The following BBOX1 variants were observed in gnomAD, a reference collection of about 807,000 sequenced individuals.
BBOX1 encodes gamma-butyrobetaine dioxygenase.
BBOX1 carries 35 observed loss-of-function variants against 41.6 expected under a neutral mutation model. The observed-to-expected ratio is 0.84, with a 90% confidence interval of 0.64 to 1.11. The LOEUF (loss-of-function observed/expected upper bound fraction) is 1.11. Ranked by LOEUF, BBOX1 falls within the 50% of genes most tolerant of loss-of-function variation. The pLI, the probability that BBOX1 is intolerant of heterozygous loss-of-function variation, is 0.00. For synonymous variants in BBOX1, 163 were observed against 154.7 expected, an observed-to-expected ratio of 1.05 and a Z score of -0.40; for missense variants, 458 against 460.6, an observed-to-expected ratio of 0.99 and a Z score of 0.05.
intron 5 of BBOX1, among the ~76,000 whole-genome samples, chr11:27,108,947 G>T (rs146172663): frequency 6.6e-6 from 1 of 151,942 alleles, no homozygotes; most frequent in East Asian, 1.9e-4. Context: ...GCTCATAAAA[G>T]TCACCCCTTC....
intron 4 of BBOX1, among the ~76,000 whole-genome samples, chr11:27,061,420 C>T (rs945693784): frequency 6.6e-6 from 1 of 152,156 alleles, no homozygotes; most frequent in Non-Finnish European, 1.5e-5. Context: ...AAAATACATT[C>T]TCAAGCTGTG....
At position 27,053,361 on chromosome 11, in the gene BBOX1, G is replaced by T. The variant is rs570992876; in HGVS notation, c.-38-2032G>T. On this transcript the variant is annotated intron_variant, in intron 2 of 8. Coordinates refer to ENST00000263182, the MANE Select transcript of BBOX1 (RefSeq NM_003986.3). Reference sequence around the variant, plus strand: ...CAAGAGTAAGCAAACTACTGCCTGGGGGCAAAATGTCGCCTACATTGTTTT... The same window carrying T: ...CAAGAGTAAGCAAACTACTGCCTGGTGGCAAAATGTCGCCTACATTGTTTT... Among the ~76,000 whole-genome samples the T allele has an allele frequency of 1.2e-3, 179 of 152,242 alleles. 2 individuals are homozygous for T. The highest frequency in any genetic ancestry group is 5.9e-4 in the Admixed American group (9 of 15,290).
chr11:27,092,358 A>G lies in BBOX1; in HGVS notation c.335-810A>G, dbSNP rs183136758. Reference sequence around the variant, plus strand: ...AAGGAAGAAATCAAACGGATCAGCTAGAGTCAGGCTTTTCCTGAATTCAGT... The same window carrying G: ...AAGGAAGAAATCAAACGGATCAGCTGGAGTCAGGCTTTTCCTGAATTCAGT... On this transcript the variant is annotated intron_variant, in intron 4 of 8. Coordinates refer to ENST00000263182, the MANE Select transcript of BBOX1 (RefSeq NM_003986.3). Among the ~76,000 whole-genome samples, 12 of 152,092 alleles carry G rather than the reference A, an allele frequency of 7.9e-5. No individual in the cohort carries two copies. The East Asian group carries it at 2.3e-3, about 30-fold the overall frequency.
At chr11:27,101,992 T>A (rs2134063590) in intron 5 of BBOX1, among the ~76,000 whole-genome samples, 1 of 152,050 alleles carries the variant, frequency 6.6e-6, no homozygotes, top group Admixed American at 6.6e-5. Context: ...GTATCTCCCC[T>A]TTTCTCCTAC....
intron 5 of BBOX1, among the ~76,000 whole-genome samples, chr11:27,109,992 T>A (rs12285287): frequency 0.06 from 9,119 of 152,048 alleles, 909 homozygotes; most frequent in African/African-American, 0.21. Context: ...CACCAGATAA[T>A]AAATTTTTAT....
Position 27,127,544 on chromosome 11 carries a change from C to A in BBOX1, c.*91C>A. On this transcript the variant is annotated 3_prime_UTR_variant, in exon 9 of 9. Transcript: ENST00000263182. ...CACAGACCATGATCTTTGTGATTTACATATAATTTCCTTAACAATGAACAT... is the reference window on the plus strand; with the variant it reads ...CACAGACCATGATCTTTGTGATTTAAATATAATTTCCTTAACAATGAACAT... The A allele has an allele frequency of 7.2e-7, 1 of 1,391,430 alleles. No homozygotes were observed. 86.2% of individuals were successfully genotyped at this position (1,391,430 alleles called of 1,614,324 possible).
intron 2 of BBOX1, chr11:27,055,132 T>A (rs1856940140): frequency 3.7e-6 from 1 of 271,218 alleles, no homozygotes; most frequent in African/African-American, 2.2e-5. Flanking sequence ...CTGAATTTTC[T>A]GTGAGAAAAA....
In BBOX1 at chr11:27,093,350, T is replaced by C; in HGVS notation, c.517T>C (p.Tyr173His). The change falls in exon 5 of 9, where the codon TAT becomes CAT. Residue 173 changes from tyrosine (Y) to histidine (H), a missense_variant. Physicochemically the swap from Tyr to His is moderately conservative, Grantham distance 83. Transcript: ENST00000263182. ...SKLGKRMGFL[Y>H]LTFYGHTWQV... ...ACTTGGGAAAAGGATGGGTTTCCTC[T>C]ATCTCACATTTTATGGGTGAGTCAC... 1 of 1,612,230 alleles carries C rather than the reference T, an allele frequency of 6.2e-7. No homozygotes were observed. The highest frequency in any genetic ancestry group is 8.5e-7 in the Non-Finnish European group (1 of 1,178,854).
At chr11:27,051,559 A>T (rs1851670252) in intron 2 of BBOX1, among the ~76,000 whole-genome samples, 1 of 151,922 alleles carries the variant, frequency 6.6e-6, no homozygotes, top group African/African-American at 2.4e-5. Flanking sequence ...TAGGTTGTAC[A>T]TTTCTAGGAA....
At chr11:27,095,786 T>C (rs2351073) in intron 5 of BBOX1, among the ~76,000 whole-genome samples, 11,002 of 152,034 alleles carry the variant, frequency 0.072, 1,347 homozygotes, top group African/African-American at 0.24. Context: ...ATTCAGAGAA[T>C]AAGAAAAATA....
chr11:27,109,785 C>T (rs1336849930), intron 5 of BBOX1, among the ~76,000 whole-genome samples: 1 of 151,854 alleles, frequency 6.6e-6, no homozygotes, highest in Non-Finnish European at 1.5e-5. Flanking sequence ...GGGAGGTTTT[C>T]CTGGTTGTAG....
intron 6 of BBOX1, among the ~76,000 whole-genome samples, chr11:27,118,462 G>A (rs912729653): frequency 2.0e-5 from 3 of 151,966 alleles, no homozygotes; most frequent in Non-Finnish European, 4.4e-5. Context: ...CCTGTTGAGA[G>A]TTCAGTTTGA....
chr11:27,079,936 A>C lies in BBOX1; in HGVS notation c.335-13232A>C, dbSNP rs1308989305. 2.0e-5 allele frequency among the ~76,000 whole-genome samples: 3 copies of C among 152,058 alleles called. No homozygotes were observed. The East Asian group carries it at 5.8e-4, about 29-fold the overall frequency. Reference sequence around the variant, plus strand: ...TCAAAATAAATCAGAATCCAACCATATCTTGCTGCTTCTACTGTTAACCCG... The same window carrying C: ...TCAAAATAAATCAGAATCCAACCATCTCTTGCTGCTTCTACTGTTAACCCG... On this transcript the variant is annotated intron_variant, in intron 4 of 8. Coordinates refer to ENST00000263182, the MANE Select transcript of BBOX1 (RefSeq NM_003986.3).
chr11:27,077,123 T>C (rs1857658048), intron 4 of BBOX1, among the ~76,000 whole-genome samples: 1 of 152,094 alleles, frequency 6.6e-6, no homozygotes, highest in Non-Finnish European at 1.5e-5. Context: ...TGAGATTATA[T>C]CCCGAATTTC....
intron 4 of BBOX1, among the ~76,000 whole-genome samples, chr11:27,079,540 A>C (rs1274162867): frequency 6.6e-6 from 1 of 152,152 alleles, no homozygotes; most frequent in Non-Finnish European, 1.5e-5. Context: ...ATATAAAGGA[A>C]AAATATCTAA....
intron 4 of BBOX1, among the ~76,000 whole-genome samples, chr11:27,077,688 G>T (rs1309157487): frequency 2.7e-5 from 4 of 150,098 alleles, no homozygotes; most frequent in Non-Finnish European, 4.4e-5. Context: ...CTTGAAAAAT[G>T]TAGAATATTA....
intron 5 of BBOX1, among the ~76,000 whole-genome samples, chr11:27,104,646 G>A (rs112328211): frequency 6.6e-6 from 1 of 152,030 alleles, no homozygotes; most frequent in African/African-American, 2.4e-5. Context: ...TGTGTTTGGG[G>A]TACTAATTTT....
chr11:27,076,617 T>C (rs1857638812), intron 4 of BBOX1, among the ~76,000 whole-genome samples: 1 of 152,106 alleles, frequency 6.6e-6, no homozygotes, highest in Non-Finnish European at 1.5e-5. Flanking sequence ...AGACAATGAG[T>C]GGGGCCATAA....
intron 4 of BBOX1, among the ~76,000 whole-genome samples, chr11:27,076,493 CTG>C (rs1407911423): frequency 6.6e-6 from 1 of 152,192 alleles, no homozygotes; most frequent in African/African-American, 2.4e-5. Context: ...CTGTAATGGA[CTG>C]TGTCAGTTGG....
Sources: gnomAD v4.1 joint callset for allele counts (sites outside exome capture counted in the v4.1 genomes callset) on GRCh38, gnomAD v4.1.1 for gene constraint, MANE v1.5 for transcripts, NCBI Gene and HGNC (gene_info 2026-07-23, HGNC 2026-07-21) for gene names.